TP53BP2: variants seen among roughly 807,000 people sequenced by gnomAD.
The protein encoded by TP53BP2 is apoptosis-stimulating of p53 protein 2.
In TP53BP2, 62 loss-of-function variants were observed where a neutral mutation model predicts 126.2. The ratio of observed to expected loss-of-function variants is 0.49; its 90% CI spans 0.40 to 0.61. The LOEUF (loss-of-function observed/expected upper bound fraction) is 0.61, where lower values mean the gene tolerates loss of function less well. Among genes scored for constraint, TP53BP2 ranks in the 20% least tolerant of loss-of-function variants. The probability of loss-of-function intolerance (pLI) is 0.00; values close to 1 mark genes in which losing one functional copy is unlikely to be tolerated. For missense variants in TP53BP2, 1,215 were observed against 1,402.8 expected, an observed-to-expected ratio of 0.87 and a Z score of 2.14; for synonymous variants, 485 against 502.9, an observed-to-expected ratio of 0.96 and a Z score of 0.48.
Position 223,799,874 on chromosome 1 carries a change from T to A in TP53BP2, c.1485+25A>T, listed in dbSNP as rs760099522. 4 of 1,549,330 alleles carry A rather than the reference T, an allele frequency of 2.6e-6. No homozygotes were observed. The East Asian group carries it at 6.8e-5, about 26-fold the overall frequency. On this transcript the variant is annotated intron_variant, in intron 11 of 17. Coordinates refer to ENST00000343537, the MANE Select transcript of TP53BP2 (RefSeq NM_001031685.3). ...GCATTATAGAATTACTATTAAATTT[T>A]AAAAACCAGGATATTTGTAGGTACC...
chr1:223,807,715 AAAATATGAAATACT>A (rs1463035660), intron 4 of TP53BP2, among the ~76,000 whole-genome samples: 1 of 152,168 alleles, frequency 6.6e-6, no homozygotes, highest in African/African-American at 2.4e-5. Flanking sequence ...TATAGTATCA[AAAATATGAAATACT>A]TAGGGATAAA....
chr1:223,804,631 G>C (rs1344936944), intron 5 of TP53BP2, among the ~76,000 whole-genome samples: 1 of 152,220 alleles, frequency 6.6e-6, no homozygotes, highest in Non-Finnish European at 1.5e-5. Flanking sequence ...TCTTGAACTA[G>C]TTTTCATAAA....
chr1:223,802,611 G>T, intron 8 of TP53BP2, 120 bp downstream of exon 8: 2 of 1,213,424 alleles, frequency 1.6e-6, no homozygotes, highest in Non-Finnish European at 2.3e-6. Flanking sequence ...TCCATAAACA[G>T]CATCTGTTTT....
intron 2 of TP53BP2, among the ~76,000 whole-genome samples, chr1:223,817,737 C>A (rs1051333259): frequency 6.6e-6 from 1 of 151,762 alleles, no homozygotes; most frequent in African/African-American, 2.4e-5. Context: ...ACCAGCCTGG[C>A]CAACATGGTG....
At chr1:223,833,828 T>G (rs1347109438) in intron 1 of TP53BP2, among the ~76,000 whole-genome samples, 3 of 152,156 alleles carry the variant, frequency 2.0e-5, no homozygotes, top group African/African-American at 7.2e-5. Context: ...AACACAGTGA[T>G]GAAAAAGCTT....
intron 4 of TP53BP2, among the ~76,000 whole-genome samples, chr1:223,808,784 G>C (rs1350258018): frequency 6.9e-6 from 1 of 145,444 alleles, no homozygotes; most frequent in African/African-American, 2.5e-5. Context: ...CTCAGTGAGA[G>C]AGCAAAAAAT....
intron 1 of TP53BP2, among the ~76,000 whole-genome samples, chr1:223,839,012 CTTTTTTTTT>C (rs75469632): frequency 3.6e-5 from 5 of 140,730 alleles, no homozygotes; most frequent in Non-Finnish European, 1.6e-5. Context: ...CCATTTTTTT[CTTTTTTTTT>C]TTTTTCCATT....
Position 223,845,842 on chromosome 1 carries a change from G to A in TP53BP2, c.-162C>T. 3.9e-6 allele frequency: 2 copies of A among 511,276 alleles called. No individual in the cohort carries two copies. Among genetic ancestry groups the A allele is most frequent in the Non-Finnish European group, 5.8e-6 (2 of 344,286 alleles). The allele number at this position is 511,276 out of a possible 1,614,324, so 31.7% of individuals were successfully genotyped here. On this transcript the variant is annotated 5_prime_UTR_variant, in exon 1 of 18. Coordinates refer to ENST00000343537, the MANE Select transcript of TP53BP2 (RefSeq NM_001031685.3). ...TCCGAAGGGCCCTCCGCGCGGGCTGGGGCACCAACAAGCCCCGGGCTCCCC... is the reference window on the plus strand; with the variant it reads ...TCCGAAGGGCCCTCCGCGCGGGCTGAGGCACCAACAAGCCCCGGGCTCCCC...
chr1:223,810,548 T>C lies in TP53BP2; in HGVS notation c.290-35A>G, dbSNP rs774856536. ...AAATTCAAAAACTATGCATTAACACTAGAGTTGACAGATATTTTAAGAACC... is the reference window on the plus strand; with the variant it reads ...AAATTCAAAAACTATGCATTAACACCAGAGTTGACAGATATTTTAAGAACC... On this transcript the variant is annotated intron_variant, in intron 3 of 17. Transcript: ENST00000343537. 17 of 1,375,968 alleles carry C rather than the reference T, an allele frequency of 1.2e-5. 1 individual carries two copies. The South Asian group carries it at 1.9e-4, about 16-fold the overall frequency. 85.2% of individuals were successfully genotyped at this position (1,375,968 alleles called of 1,614,324 possible). A position where few individuals can be genotyped will look rare whatever the true frequency, so the allele number is the denominator to read the frequency against.
At chr1:223,825,230 G>C (rs1175748940) in intron 1 of TP53BP2, among the ~76,000 whole-genome samples, 1 of 152,092 alleles carries the variant, frequency 6.6e-6, no homozygotes, top group Admixed American at 6.6e-5. Flanking sequence ...ACTGTGCTTG[G>C]TGTGTAACAA....
chr1:223,827,098 C>T (rs533913685), intron 1 of TP53BP2, among the ~76,000 whole-genome samples: 68 of 152,172 alleles, frequency 4.5e-4, no homozygotes, highest in South Asian at 3.1e-3. Context: ...AACATTCAAA[C>T]GGAGACATGA....
chr1:223,804,460 T>C (rs970516622), intron 5 of TP53BP2, 112 bp from the exon 6 acceptor site: 38 of 955,874 alleles, frequency 4.0e-5, no homozygotes, highest in Non-Finnish European at 6.0e-5. Context: ...CTTGTAACCC[T>C]GGTCTGGTCT....
intron 1 of TP53BP2, among the ~76,000 whole-genome samples, chr1:223,822,660 CAA>C (rs397968382): frequency 5.2e-5 from 6 of 114,718 alleles, no homozygotes; most frequent in Admixed American, 9.5e-5. Flanking sequence ...GACCCTGACT[CAA>C]AAAAAAAAAA....
chr1:223,812,643 G>T lies in TP53BP2; in HGVS notation c.289+1597C>A, dbSNP rs1222125. Among the ~76,000 whole-genome samples, 871 of 152,054 alleles carry T rather than the reference G, an allele frequency of 5.7e-3. 12 individuals are homozygous for T. Among genetic ancestry groups the T allele is most frequent in the African/African-American group, 0.02 (834 of 41,458 alleles). ...GGTGCCATCTCGGCTCACTGCAACC[G>T]CCAACTCCCTGATTCAAGCGATTCT... On this transcript the variant is annotated intron_variant, in intron 3 of 17. Transcript: ENST00000343537.
chr1:223,803,538 T>G (rs1282264871), intron 6 of TP53BP2, 86 bp from the exon 7 acceptor site: 1 of 1,338,636 alleles, frequency 7.5e-7, no homozygotes, highest in Admixed American at 3.0e-5. Flanking sequence ...TACAATGAAC[T>G]TTCTAATAAA....
intron 2 of TP53BP2, among the ~76,000 whole-genome samples, chr1:223,815,742 T>G (rs1180829182): frequency 6.6e-6 from 1 of 151,858 alleles, no homozygotes; most frequent in Non-Finnish European, 1.5e-5. Flanking sequence ...GCACTGCATG[T>G]TGACAGTGGT....
At chr1:223,808,657 G>A (rs920679491) in intron 4 of TP53BP2, among the ~76,000 whole-genome samples, 12 of 145,030 alleles carry the variant, frequency 8.3e-5, no homozygotes, top group Non-Finnish European at 1.8e-4. Context: ...AGAAAACAAA[G>A]GAAAAAAAAA....
chr1:223,825,451 T>C (rs569250888), intron 1 of TP53BP2, among the ~76,000 whole-genome samples: 35 of 152,284 alleles, frequency 2.3e-4, no homozygotes, highest in African/African-American at 7.0e-4. Flanking sequence ...AGTTCTGTCT[T>C]TTAGAGCAAC....
intron 17 of TP53BP2, among the ~76,000 whole-genome samples, chr1:223,783,347 C>T (rs1475696006): frequency 1.3e-5 from 2 of 152,196 alleles, no homozygotes; most frequent in Admixed American, 6.5e-5. Context: ...ACCTACACAC[C>T]ATCTTCTGTG....
Sources: gnomAD v4.1 joint callset for allele counts (sites outside exome capture counted in the v4.1 genomes callset) on GRCh38, gnomAD v4.1.1 for gene constraint, MANE v1.5 for transcripts, NCBI Gene and HGNC (gene_info 2026-07-23, HGNC 2026-07-21) for gene names.